The following HS6ST3 variants were observed in gnomAD, a reference collection of about 807,000 sequenced individuals.
HS6ST3 encodes the protein heparan-sulfate 6-O-sulfotransferase 3.
A neutral mutation model predicts 36.7 loss-of-function variants in HS6ST3; 12 were observed. The observed-to-expected ratio is 0.33, with a 90% confidence interval of 0.21 to 0.53. The LOEUF (loss-of-function observed/expected upper bound fraction) is 0.53. HS6ST3 is among the 20% of genes least tolerant of loss of function. The pLI is 0.95. For synonymous variants in HS6ST3, 240 were observed against 257.5 expected (o/e 0.93, Z 0.65); for missense variants, 584 against 640.9 (o/e 0.91, Z 0.96).
chr13:96,635,423 C>G (rs1436899109), intron 1 of HS6ST3, among the ~76,000 whole-genome samples: 1 of 152,028 alleles, frequency 6.6e-6, no homozygotes. Context: ...TTATGCTGCT[C>G]CTCCTGCCTG....
At chr13:96,693,565 A>G (rs529230019) in intron 1 of HS6ST3, among the ~76,000 whole-genome samples, 1 of 152,284 alleles carries the variant, frequency 6.6e-6, no homozygotes, top group East Asian at 1.9e-4. Context: ...GGCCTCCCAA[A>G]GTGCTGGAAT....
chr13:96,373,894 A>G (rs1010763533), intron 1 of HS6ST3, among the ~76,000 whole-genome samples: 3 of 152,082 alleles, frequency 2.0e-5, no homozygotes, highest in African/African-American at 7.2e-5. Context: ...CAATTATCTT[A>G]TTTTGTTGTG....
At chr13:96,400,810 G>A (rs538651914) in intron 1 of HS6ST3, among the ~76,000 whole-genome samples, 3 of 152,150 alleles carry the variant, frequency 2.0e-5, no homozygotes, top group Admixed American at 1.3e-4. Flanking sequence ...CGTCTTAGTC[G>A]CTTTAACATC....
At chr13:96,274,973 C>T (rs149218540) in intron 1 of HS6ST3, among the ~76,000 whole-genome samples, 136 of 151,860 alleles carry the variant, frequency 9.0e-4, no homozygotes, top group African/African-American at 3.0e-3. Flanking sequence ...CAGGCTTCAG[C>T]GCTGGGTTTA....
chr13:96,292,186 G>C (rs1219591747), intron 1 of HS6ST3, among the ~76,000 whole-genome samples: 4 of 149,062 alleles, frequency 2.7e-5, no homozygotes, highest in Non-Finnish European at 5.9e-5. Flanking sequence ...ATGTTAATAT[G>C]AAGTTTTTAG....
chr13:96,519,241 C>A (rs1321078260), intron 1 of HS6ST3, among the ~76,000 whole-genome samples: 1 of 152,164 alleles, frequency 6.6e-6, no homozygotes, highest in Non-Finnish European at 1.5e-5. Flanking sequence ...CTGGTGGTCT[C>A]AGTTCTGATT....
At chr13:96,521,765 G>A (rs892744312) in intron 1 of HS6ST3, among the ~76,000 whole-genome samples, 6 of 151,946 alleles carry the variant, frequency 3.9e-5, no homozygotes, top group South Asian at 2.1e-4. Context: ...AGTTTAGTTA[G>A]CAGTCTATCT....
intron 1 of HS6ST3, among the ~76,000 whole-genome samples, chr13:96,164,416 T>A (rs1006771930): frequency 6.6e-6 from 1 of 151,906 alleles, no homozygotes; most frequent in South Asian, 2.1e-4. Flanking sequence ...AAAATTAGCC[T>A]GGCGTGGTGA....
At chr13:96,304,640 G>A (rs192815015) in intron 1 of HS6ST3, among the ~76,000 whole-genome samples, 3 of 146,504 alleles carry the variant, frequency 2.0e-5, no homozygotes, top group South Asian at 2.2e-4. Context: ...AATGTGGAAG[G>A]TTTCAAAACT....
intron 1 of HS6ST3, among the ~76,000 whole-genome samples, chr13:96,732,993 G>A (rs2138478367): frequency 6.6e-6 from 1 of 152,240 alleles, no homozygotes; most frequent in East Asian, 1.9e-4. Flanking sequence ...TTTATATCCT[G>A]CAACTTTACT....
chr13:96,305,915 C>CCTTT (rs935374972), intron 1 of HS6ST3, among the ~76,000 whole-genome samples: 5 of 129,160 alleles, frequency 3.9e-5, no homozygotes, highest in African/African-American at 8.9e-5. Flanking sequence ...TACCAGATTT[C>CCTTT]CTTTCTTTCT....
At chr13:96,452,090 TG>T (rs1405022039) in intron 1 of HS6ST3, among the ~76,000 whole-genome samples, 1 of 152,220 alleles carries the variant, frequency 6.6e-6, no homozygotes, top group Non-Finnish European at 1.5e-5. Flanking sequence ...ATTTTCACAT[TG>T]CAATGAACAT....
chr13:96,403,181 T>A (rs2139458433), intron 1 of HS6ST3, among the ~76,000 whole-genome samples: 1 of 152,260 alleles, frequency 6.6e-6, no homozygotes, highest in African/African-American at 2.4e-5. Context: ...CCTGCAAACA[T>A]CTTTGTTTGT....
At chr13:96,830,053 G>GTT (rs59196223) in intron 1 of HS6ST3, among the ~76,000 whole-genome samples, 77 of 150,056 alleles carry the variant, frequency 5.1e-4, no homozygotes, top group East Asian at 1.6e-3. Context: ...CAACCATTCT[G>GTT]TTTTTTTTTT....
intron 1 of HS6ST3, among the ~76,000 whole-genome samples, chr13:96,616,138 A>G (rs535570881): frequency 1.3e-4 from 20 of 152,208 alleles, no homozygotes; most frequent in Non-Finnish European, 2.2e-4. Context: ...CAAGAATGGT[A>G]TCATATGTTA....
chr13:96,529,849 C>CT (rs2056128721), intron 1 of HS6ST3, among the ~76,000 whole-genome samples: 1 of 152,148 alleles, frequency 6.6e-6, no homozygotes, highest in South Asian at 2.1e-4. Context: ...CAAGAGCAAA[C>CT]TGTCTATTTT....
At chr13:96,797,995 C>T (rs1877955214) in intron 1 of HS6ST3, among the ~76,000 whole-genome samples, 1 of 151,964 alleles carries the variant, frequency 6.6e-6, no homozygotes, top group African/African-American at 2.4e-5. Context: ...ATTCACAAGC[C>T]CACAGGTTGG....
At chr13:96,221,255 TG>T (rs544519956) in intron 1 of HS6ST3, among the ~76,000 whole-genome samples, 6 of 152,276 alleles carry the variant, frequency 3.9e-5, no homozygotes, top group Non-Finnish European at 7.4e-5. Context: ...CCTATTTGTG[TG>T]GGGTACATAT....
At chr13:96,294,288 A>G (rs960416326) in intron 1 of HS6ST3, among the ~76,000 whole-genome samples, 1 of 152,304 alleles carries the variant, frequency 6.6e-6, no homozygotes. Context: ...CTATATAGGT[A>G]TCTTGAATAC....
Sources: allele counts gnomAD v4.1 joint callset (sites outside exome capture counted in the v4.1 genomes callset), GRCh38; gene constraint gnomAD v4.1.1; transcripts MANE v1.5; gene names NCBI Gene and HGNC (gene_info 2026-07-23, HGNC 2026-07-21).